IGF2BP3: variants seen among roughly 807,000 people sequenced by gnomAD.
The protein encoded by IGF2BP3 is insulin-like growth factor 2 mRNA-binding protein 3.
Under a neutral mutation model 73.8 loss-of-function variants are expected in IGF2BP3, and 9 were observed. The ratio of observed to expected loss-of-function variants is 0.12; its 90% CI spans 0.07 to 0.21. The LOEUF (loss-of-function observed/expected upper bound fraction) is 0.21, where lower values mean the gene tolerates loss of function less well. Ranked by LOEUF, IGF2BP3 falls within the 10% of genes least tolerant of loss-of-function variation. The pLI is 1.00. For synonymous variants in IGF2BP3, 258 were observed against 256.7 expected (o/e 1.01, Z -0.05); for missense variants, 542 against 714.0 (o/e 0.76, Z 2.75).
chr7:23,438,735 A>G (rs1336206694), intron 2 of IGF2BP3, among the ~76,000 whole-genome samples: 4 of 152,228 alleles, frequency 2.6e-5, no homozygotes, highest in Non-Finnish European at 4.4e-5. Flanking sequence ...TTTAGTTATA[A>G]TAACCCTAGT....
intron 5 of IGF2BP3, among the ~76,000 whole-genome samples, chr7:23,355,268 C>A (rs965407953): frequency 6.7e-6 from 1 of 149,714 alleles, no homozygotes; most frequent in Non-Finnish European, 1.5e-5. Flanking sequence ...TTTGCCCAGG[C>A]TGGAGCGCAA....
chr7:23,368,338 A>T (rs916280635), intron 3 of IGF2BP3, among the ~76,000 whole-genome samples: 2 of 140,892 alleles, frequency 1.4e-5, no homozygotes, highest in Admixed American at 7.5e-5. Context: ...AAAGAAAGAA[A>T]GAAAAAAAGA....
intron 3 of IGF2BP3, among the ~76,000 whole-genome samples, chr7:23,380,384 C>T (rs980564330): frequency 6.6e-6 from 1 of 152,002 alleles, no homozygotes; most frequent in African/African-American, 2.4e-5. Context: ...AGGATGGTCT[C>T]GATCTCCTGA....
intron 2 of IGF2BP3, among the ~76,000 whole-genome samples, chr7:23,423,617 T>C (rs1787412477): frequency 6.6e-6 from 1 of 152,200 alleles, no homozygotes; most frequent in Non-Finnish European, 1.5e-5. Context: ...GCTTGGCATC[T>C]GATAAGCATT....
chr7:23,351,487 C>T lies in IGF2BP3; in HGVS notation c.501G>A (p.Gln167=), dbSNP rs771578792. ...EMAAQQNPLQ[Q]PRGRRGLGQR... is the part of the protein sequence containing the mutation. ...GCCCAAGCCCCCGGCGACCTCGGGGCTGCTGCAAGGGGTTTTGCTGGGCGG... is the reference window on the plus strand; with the variant it reads ...GCCCAAGCCCCCGGCGACCTCGGGGTTGCTGCAAGGGGTTTTGCTGGGCGG... The change falls in exon 6 of 15, where the codon CAG becomes CAA. Residue 167 remains glutamine (Q), a synonymous_variant. Transcript: ENST00000258729. The T allele has an allele frequency of 1.2e-6, 2 of 1,614,048 alleles. No homozygotes were observed. Among genetic ancestry groups the T allele is most frequent in the East Asian group, 4.5e-5 (2 of 44,882 alleles).
chr7:23,378,820 C>T lies in IGF2BP3; in HGVS notation c.286-17079G>A, dbSNP rs142787359. Among the ~76,000 whole-genome samples the T allele has an allele frequency of 2.5e-3, 386 of 152,176 alleles. 3 individuals are homozygous for T. Among genetic ancestry groups the T allele is most frequent in the African/African-American group, 9.1e-3 (376 of 41,500 alleles). On this transcript the variant is annotated intron_variant, in intron 3 of 14. Coordinates refer to ENST00000258729, the MANE Select transcript of IGF2BP3 (RefSeq NM_006547.3). ...ATCTCTTGACCTCGTGATTCACCCA[C>T]CATGGCCTCCCAAAGTGCTGGGATT...
chr7:23,397,409 T>A (rs1411015015), intron 3 of IGF2BP3, among the ~76,000 whole-genome samples: 1 of 152,220 alleles, frequency 6.6e-6, no homozygotes, highest in Non-Finnish European at 1.5e-5. Flanking sequence ...GTGTCAAGCC[T>A]GAGACAGGAG....
At chr7:23,424,194 G>T (rs1440204159) in intron 2 of IGF2BP3, among the ~76,000 whole-genome samples, 1 of 149,248 alleles carries the variant, frequency 6.7e-6, no homozygotes, top group African/African-American at 2.5e-5. Context: ...TTAGTTCTCA[G>T]GCTAATAGAT....
intron 3 of IGF2BP3, among the ~76,000 whole-genome samples, chr7:23,400,339 T>C (rs1199740325): frequency 6.6e-6 from 1 of 152,200 alleles, no homozygotes; most frequent in Non-Finnish European, 1.5e-5. Context: ...AGAAGTAGTA[T>C]CTCTAAGCTA....
At chr7:23,412,575 C>G (rs1787058624) in intron 3 of IGF2BP3, among the ~76,000 whole-genome samples, 1 of 152,134 alleles carries the variant, frequency 6.6e-6, no homozygotes, top group Non-Finnish European at 1.5e-5. Flanking sequence ...TAGGCTGTTT[C>G]CCCACACAGT....
At chr7:23,451,578 C>A (rs905531617) in intron 2 of IGF2BP3, among the ~76,000 whole-genome samples, 1 of 151,274 alleles carries the variant, frequency 6.6e-6, no homozygotes, top group Non-Finnish European at 1.5e-5. Context: ...TGAGCAACAA[C>A]AGCTAACCTC....
At chr7:23,453,766 T>C (rs768569425) in intron 2 of IGF2BP3, among the ~76,000 whole-genome samples, 2 of 152,242 alleles carry the variant, frequency 1.3e-5, no homozygotes, top group Non-Finnish European at 2.9e-5. Context: ...TTATTCATTT[T>C]TCTCCAACCT....
chr7:23,358,547 A>G (rs2128507207), intron 5 of IGF2BP3, among the ~76,000 whole-genome samples: 1 of 152,352 alleles, frequency 6.6e-6, no homozygotes, highest in East Asian at 1.9e-4. Context: ...ATACATGCAT[A>G]TATGCACAAA....
At chr7:23,380,638 G>C (rs376609821) in intron 3 of IGF2BP3, among the ~76,000 whole-genome samples, 1 of 152,160 alleles carries the variant, frequency 6.6e-6, no homozygotes, top group Non-Finnish European at 1.5e-5. Context: ...CCCAGTCTTG[G>C]TTAACTCCCT....
At chr7:23,376,314 T>C (rs1410508218) in intron 3 of IGF2BP3, among the ~76,000 whole-genome samples, 1 of 151,822 alleles carries the variant, frequency 6.6e-6, no homozygotes, top group African/African-American at 2.4e-5. Context: ...CCCAGCACTT[T>C]GAGAGGCCAA....
chr7:23,340,879 T>C (rs933052185), intron 10 of IGF2BP3, among the ~76,000 whole-genome samples: 6 of 150,818 alleles, frequency 4.0e-5, no homozygotes, highest in Non-Finnish European at 7.4e-5. Flanking sequence ...AGACAGAGTT[T>C]CGCTCTGTCG....
chr7:23,378,260 A>G (rs1785789881), intron 3 of IGF2BP3, among the ~76,000 whole-genome samples: 1 of 151,988 alleles, frequency 6.6e-6, no homozygotes, highest in African/African-American at 2.4e-5. Flanking sequence ...TTTTCTTTTC[A>G]CTTTTCAAGT....
chr7:23,317,972 T>A, intron 11 of IGF2BP3: 1 of 516,940 alleles, frequency 1.9e-6, no homozygotes, highest in East Asian at 3.0e-5. Flanking sequence ...CACGTCCTGA[T>A]GAAGTAGTAT....
chr7:23,383,357 A>G (rs1377416423), intron 3 of IGF2BP3, among the ~76,000 whole-genome samples: 1 of 152,234 alleles, frequency 6.6e-6, no homozygotes, highest in African/African-American at 2.4e-5. Flanking sequence ...GATATACTAC[A>G]AATGCTCAAT....
Sources: allele counts gnomAD v4.1 joint callset (sites outside exome capture counted in the v4.1 genomes callset), GRCh38; gene constraint gnomAD v4.1.1; transcripts MANE v1.5; gene names NCBI Gene and HGNC (gene_info 2026-07-23, HGNC 2026-07-21).